UGGT1: variants seen among roughly 807,000 people sequenced by gnomAD.
UGGT1 encodes UDP-glucose:glycoprotein glucosyltransferase 1.
A neutral mutation model predicts 203.9 loss-of-function variants in UGGT1; 107 were observed. The ratio of observed to expected loss-of-function variants is 0.52; its 90% CI spans 0.45 to 0.62. UGGT1 has a LOEUF of 0.62. UGGT1 is among the 20% of genes least tolerant of loss of function. The pLI, the probability that UGGT1 is intolerant of heterozygous loss-of-function variation, is 0.00. For missense variants in UGGT1, 1,673 were observed against 1,867.2 expected (o/e 0.90, Z 1.92); for synonymous variants, 628 against 653.5 (o/e 0.96, Z 0.59).
intron 11 of UGGT1, among the ~76,000 whole-genome samples, chr2:128,126,921 G>C: frequency 6.6e-6 from 1 of 151,968 alleles, no homozygotes; most frequent in East Asian, 1.9e-4. Flanking sequence ...GGCCTCAAGT[G>C]ATCCACCTGC....
At chr2:128,127,281 A>G in intron 11 of UGGT1, 80 bp from the exon 12 acceptor site, 2 of 931,682 alleles carry the variant, frequency 2.1e-6, no homozygotes, top group East Asian at 2.6e-5. Flanking sequence ...AGATTTGTAC[A>G]GGTAGTGAAG....
intron 27 of UGGT1, 124 bp from the exon 28 acceptor site, chr2:128,171,081 G>T (rs190759088): frequency 7.1e-6 from 6 of 847,586 alleles, no homozygotes; most frequent in Non-Finnish European, 1.1e-5. Context: ...CAGAAGTTTC[G>T]CCAGTGCAGA....
intron 33 of UGGT1, 51 bp downstream of exon 33, chr2:128,177,971 G>T: frequency 6.8e-7 from 1 of 1,470,756 alleles, no homozygotes; most frequent in Non-Finnish European, 9.3e-7. Context: ...TGAGATATAA[G>T]CACCATCCAT....
intron 21 of UGGT1, 92 bp from the exon 22 acceptor site, chr2:128,157,160 C>A: frequency 1.1e-6 from 1 of 922,382 alleles, no homozygotes; most frequent in Non-Finnish European, 1.7e-6. Context: ...ATGGTTCTTA[C>A]AAATTATTTG....
chr2:128,128,342 C>T lies in UGGT1; in HGVS notation c.1227-687C>T, dbSNP rs1688707448. ...TTTTTTTTTTTTGGAGACGGAGTCT[C>T]ACTCTGTTGCCCAGGCTGGAGTCCA... On this transcript the variant is annotated intron_variant, in intron 12 of 40. Transcript: ENST00000259253. 2.1e-5 allele frequency among the ~76,000 whole-genome samples: 3 copies of T among 145,500 alleles called. No homozygotes were observed. In the Admixed American group the frequency reaches 2.1e-4, roughly 10 times the overall value.
chr2:128,128,593 T>C (rs1419068610), intron 12 of UGGT1, among the ~76,000 whole-genome samples: 1 of 152,200 alleles, frequency 6.6e-6, no homozygotes, highest in East Asian at 1.9e-4. Context: ...ATTACAGGCA[T>C]GAGCCACCGC....
At position 128,146,313 on chromosome 2, in the gene UGGT1, T is replaced by TA. The variant is rs1044768937; in HGVS notation, c.2016+354dup. Among the ~76,000 whole-genome samples, 13 of 151,546 alleles carry TA rather than the reference T, an allele frequency of 8.6e-5. No individual in the cohort carries two copies. The South Asian group carries it at 2.1e-3, about 24-fold the overall frequency. Reference sequence around the variant, plus strand: ...GTGATGGAGTGAGACCCTGTCCCGTTAAAAAAAACAAAACAAAACAAAAAA... The same window carrying TA: ...GTGATGGAGTGAGACCCTGTCCCGTTAAAAAAAAACAAAACAAAACAAAAAA... On this transcript the variant is annotated intron_variant, in intron 18 of 40. Coordinates refer to ENST00000259253, the MANE Select transcript of UGGT1 (RefSeq NM_020120.4).
At chr2:128,146,566 ATTAATATATATAGT>A (rs1377893022) in intron 18 of UGGT1, among the ~76,000 whole-genome samples, 1 of 98,134 alleles carries the variant, frequency 1.0e-5, no homozygotes, top group East Asian at 3.5e-4. Flanking sequence ...ATATATAAAT[ATTAATATATATAGT>A]TCTTGAGATA....
At chr2:128,145,453 G>T (rs193036597) in intron 17 of UGGT1, among the ~76,000 whole-genome samples, 1 of 151,850 alleles carries the variant, frequency 6.6e-6, no homozygotes, top group East Asian at 1.9e-4. Flanking sequence ...AGTGCTGACC[G>T]TAGAATATGT....
At chr2:128,122,242 G>C (rs148861088) in intron 10 of UGGT1, among the ~76,000 whole-genome samples, 144 of 151,968 alleles carry the variant, frequency 9.5e-4, no homozygotes, top group Middle Eastern at 3.4e-3. Context: ...TGCTCAAAAG[G>C]GGGAAGTGGG....
intron 39 of UGGT1, 43 bp downstream of exon 39, chr2:128,186,842 T>G: frequency 7.2e-7 from 1 of 1,390,826 alleles, no homozygotes; most frequent in Non-Finnish European, 1.0e-6. Flanking sequence ...ATCCACTGGA[T>G]GTGTGAGTGA....
intron 17 of UGGT1, 43 bp from the exon 18 acceptor site, chr2:128,145,759 CA>C: frequency 2.0e-6 from 3 of 1,478,058 alleles, no homozygotes; most frequent in Non-Finnish European, 2.7e-6. Flanking sequence ...ATTTGTCTCA[CA>C]AAAGGCAAAA....
chr2:128,175,727 G>A (rs1165889616), intron 31 of UGGT1, among the ~76,000 whole-genome samples: 1 of 152,140 alleles, frequency 6.6e-6, no homozygotes, highest in Non-Finnish European at 1.5e-5. Flanking sequence ...TTCCCTTTTG[G>A]ATGCCCTGGC....
intron 40 of UGGT1, among the ~76,000 whole-genome samples, chr2:128,189,239 C>T (rs1692141354): frequency 6.6e-6 from 1 of 152,106 alleles, no homozygotes; most frequent in Admixed American, 6.5e-5. Context: ...TATATACCCT[C>T]AAGAATTACT....
intron 26 of UGGT1, among the ~76,000 whole-genome samples, chr2:128,166,338 AT>A (rs1690787869): frequency 6.6e-6 from 1 of 152,184 alleles, no homozygotes; most frequent in Non-Finnish European, 1.5e-5. Flanking sequence ...TTCCTGCACC[AT>A]TTGGAAATAC....
intron 7 of UGGT1, among the ~76,000 whole-genome samples, chr2:128,115,500 A>C (rs984115349): frequency 5.0e-5 from 7 of 141,216 alleles, no homozygotes; most frequent in South Asian, 2.2e-4. Context: ...AAAAAAAAAA[A>C]AAAAACAAAA....
At chr2:128,123,873 C>T (rs1055007957) in intron 11 of UGGT1, among the ~76,000 whole-genome samples, 1 of 152,116 alleles carries the variant, frequency 6.6e-6, no homozygotes, top group Non-Finnish European at 1.5e-5. Context: ...TGTTTTGGTA[C>T]AGCTCATCAT....
intron 8 of UGGT1, among the ~76,000 whole-genome samples, chr2:128,117,261 T>C (rs965357210): frequency 5.3e-5 from 8 of 152,130 alleles, no homozygotes; most frequent in African/African-American, 1.9e-4. Context: ...GGCTAACTTT[T>C]GTATTTTTAG....
chr2:128,147,236 T>C (rs771712395), intron 18 of UGGT1, among the ~76,000 whole-genome samples: 2 of 152,258 alleles, frequency 1.3e-5, no homozygotes, highest in Non-Finnish European at 2.9e-5. Flanking sequence ...TATCTTCAAA[T>C]TCACTTATTC....
Sources: allele counts gnomAD v4.1 joint callset (sites outside exome capture counted in the v4.1 genomes callset), GRCh38; gene constraint gnomAD v4.1.1; transcripts MANE v1.5; gene names NCBI Gene and HGNC (gene_info 2026-07-23, HGNC 2026-07-21).